The following DNAH7 variants were observed in gnomAD, a reference collection of about 807,000 sequenced individuals.
The protein encoded by DNAH7 is axonemal beta dynein heavy chain 7.
A neutral mutation model predicts 444.6 loss-of-function variants in DNAH7; 397 were observed. That is an observed-to-expected ratio of 0.89 (90% CI 0.82 to 0.97). The LOEUF is 0.97. DNAH7 is among the 50% of genes least tolerant of loss of function. The pLI is 0.00. For missense variants in DNAH7, 4,902 were observed against 4,800.8 expected (o/e 1.02, Z -0.62); for synonymous variants, 1,636 against 1,624.4 (o/e 1.01, Z -0.17).
At chr2:195,887,097 T>G (rs923596913) in intron 33 of DNAH7, among the ~76,000 whole-genome samples, 1 of 152,046 alleles carries the variant, frequency 6.6e-6, no homozygotes, top group Non-Finnish European at 1.5e-5. Context: ...TATTACTACA[T>G]AGTAAATAAC....
intron 24 of DNAH7, among the ~76,000 whole-genome samples, chr2:195,910,631 C>T (rs1574741325): frequency 6.6e-6 from 1 of 152,072 alleles, no homozygotes; most frequent in Non-Finnish European, 1.5e-5. Context: ...AAGATTGTTT[C>T]GGGATCAGTA....
chr2:195,872,528 C>CA, intron 39 of DNAH7, 59 bp from the exon 40 acceptor site: 3 of 1,180,870 alleles, frequency 2.5e-6, no homozygotes, highest in Non-Finnish European at 2.4e-6. Context: ...AATTACGACA[C>CA]AAAAAGGATA....
At chr2:195,934,810 A>G (rs764591193) in intron 20 of DNAH7, 21 bp from the exon 21 acceptor site, 1 of 1,612,922 alleles carries the variant, frequency 6.2e-7, no homozygotes, top group Non-Finnish European at 8.5e-7. Flanking sequence ...AAACATTTTT[A>G]AGATAATTAA....
At chr2:195,877,204 A>T (rs1204644192) in intron 36 of DNAH7, among the ~76,000 whole-genome samples, 2 of 152,188 alleles carry the variant, frequency 1.3e-5, no homozygotes, top group African/African-American at 4.8e-5. Flanking sequence ...GACATACCAG[A>T]ATTCCCTGAG....
At chr2:196,057,931 A>G (rs1697908604) in intron 2 of DNAH7, 123 bp downstream of exon 2, 1 of 737,104 alleles carries the variant, frequency 1.4e-6, no homozygotes. Context: ...AAAAGAATCA[A>G]ATGGAATTTA....
rs529432873 is a variant in DNAH7, at chr2:196,006,005, T to C, written c.990-4147A>G. On this transcript the variant is annotated intron_variant, in intron 10 of 64. Transcript: ENST00000312428. ...CTCAACAAAATACTAGAAATCCAAGTCCAGAAGCACATAAAAAGTATTATA... is the reference window on the plus strand; with the variant it reads ...CTCAACAAAATACTAGAAATCCAAGCCCAGAAGCACATAAAAAGTATTATA... Among the ~76,000 whole-genome samples the C allele has an allele frequency of 5.9e-5, 9 of 151,976 alleles. No individual in the cohort carries two copies. In the South Asian group the frequency reaches 1.0e-3, roughly 18 times the overall value.
At chr2:196,066,026 T>C (rs1408061800) in intron 1 of DNAH7, among the ~76,000 whole-genome samples, 1 of 152,242 alleles carries the variant, frequency 6.6e-6, no homozygotes, top group East Asian at 1.9e-4. Flanking sequence ...GTTGGGATCC[T>C]GACTAATATA....
chr2:196,040,861 T>C (rs931173598), intron 5 of DNAH7, among the ~76,000 whole-genome samples: 4 of 152,032 alleles, frequency 2.6e-5, no homozygotes, highest in African/African-American at 9.7e-5. Flanking sequence ...TGATAAATGA[T>C]TTCAGCAAAG....
In DNAH7 at chr2:196,068,102, T is replaced by A. The variant is rs554882303; in HGVS notation, c.15+595A>T. 3.3e-4 allele frequency among the ~76,000 whole-genome samples: 51 copies of A among 152,374 alleles called. 1 individual carries two copies. In the South Asian group the frequency reaches 7.0e-3, roughly 21 times the overall value. ...AGCAGCTATTGCAAAGTGCATCTTT[T>A]ATCACATACCATGGAATATCATCTT... is the stretch of plus-strand genomic sequence containing the variant. On this transcript the variant is annotated intron_variant, in intron 1 of 64. Transcript: ENST00000312428.
Position 195,824,346 on chromosome 2 carries a change from C to G in DNAH7, c.9200G>C (p.Gly3067Ala). 6.2e-7 allele frequency: 1 copy of G among 1,613,774 alleles called. No individual in the cohort carries two copies. The highest frequency in any genetic ancestry group is 8.5e-7 in the Non-Finnish European group (1 of 1,179,866). The change falls in exon 49 of 65, where the codon GGG (glycine) becomes GCG (alanine). Residue 3067 changes from glycine to alanine, a missense_variant. Gly to Ala is a moderately conservative substitution (Grantham distance 60). Coordinates refer to ENST00000312428, the MANE Select transcript of DNAH7 (RefSeq NM_018897.3). ...KQGGSTCIRL[G>A]DSTIEYAPDF... is the part of the protein sequence containing the mutation. ...AGGTGCATATTCAATTGTGGAGTCCCCAAGCCGGATACATGTACTCCCACC... is the reference window on the plus strand; with the variant it reads ...AGGTGCATATTCAATTGTGGAGTCCGCAAGCCGGATACATGTACTCCCACC...
Position 196,026,936 on chromosome 2 carries a change from T to C in DNAH7, c.491A>G (p.Tyr164Cys), listed in dbSNP as rs1412989941. The C allele has an allele frequency of 6.3e-7, 1 of 1,582,462 alleles. No homozygotes were observed. Among genetic ancestry groups the C allele is most frequent in the Admixed American group, 1.8e-5 (1 of 55,780 alleles). ...AATTCCATGGTGAATATAATAGTAA[T>C]ATCTCTACAAAAAGAAGATAGGAAA... ...ASAIEKDILR[Y>C]YYYIHHGIDT... Residue 164 changes from tyrosine (Y) to cysteine (C), a missense_variant, in exon 7 of 65, where the codon TAT (tyrosine) becomes TGT (cysteine). Physicochemically the swap from Tyr to Cys is radical, Grantham distance 194 (BLOSUM62 -2). Transcript: ENST00000312428.
intron 1 of DNAH7, among the ~76,000 whole-genome samples, chr2:196,062,427 T>C (rs1389532720): frequency 3.9e-5 from 6 of 152,202 alleles, no homozygotes; most frequent in Non-Finnish European, 8.8e-5. Context: ...AAATCACATC[T>C]CCAGTCCTAT....
At chr2:195,997,326 AC>A (rs1693757972) in intron 12 of DNAH7, among the ~76,000 whole-genome samples, 2 of 152,152 alleles carry the variant, frequency 1.3e-5, no homozygotes, top group Non-Finnish European at 2.9e-5. Flanking sequence ...ATCCTGGCCA[AC>A]CTGGTGAAAC....
At chr2:195,739,257 T>C (rs528326639) in intron 64 of DNAH7, among the ~76,000 whole-genome samples, 16 of 152,370 alleles carry the variant, frequency 1.1e-4, no homozygotes, top group Admixed American at 3.9e-4. Context: ...TTTTAAACTT[T>C]TGTGCCCATG....
intron 63 of DNAH7, among the ~76,000 whole-genome samples, chr2:195,747,984 G>A (rs1275224141): frequency 6.6e-6 from 1 of 152,186 alleles, no homozygotes; most frequent in African/African-American, 2.4e-5. Flanking sequence ...GTTCTGGCCA[G>A]GGCAATCAGG....
At chr2:195,994,482 C>A in intron 12 of DNAH7, 2 of 508,296 alleles carry the variant, frequency 3.9e-6, no homozygotes. Context: ...TGACCAATCG[C>A]CATGTCCTGT....
At chr2:195,865,396 G>A (rs1700269882) in intron 40 of DNAH7, among the ~76,000 whole-genome samples, 1 of 152,136 alleles carries the variant, frequency 6.6e-6, no homozygotes, top group African/African-American at 2.4e-5. Context: ...CACCTTTCCA[G>A]TGATGTTTCC....
intron 47 of DNAH7, among the ~76,000 whole-genome samples, chr2:195,843,634 T>C (rs1698813375): frequency 6.6e-6 from 1 of 152,178 alleles, no homozygotes; most frequent in African/African-American, 2.4e-5. Context: ...TTACCCTAGG[T>C]GGTCTCATCA....
At chr2:195,930,740 G>A (rs1017538377) in intron 21 of DNAH7, among the ~76,000 whole-genome samples, 1 of 152,166 alleles carries the variant, frequency 6.6e-6, no homozygotes, top group African/African-American at 2.4e-5. Flanking sequence ...GTTCACTGGA[G>A]CAGTATTCAC....
Sources: gnomAD v4.1 joint callset for allele counts (sites outside exome capture counted in the v4.1 genomes callset) on GRCh38, gnomAD v4.1.1 for gene constraint, MANE v1.5 for transcripts, NCBI Gene and HGNC (gene_info 2026-07-23, HGNC 2026-07-21) for gene names.